FADS2: variants seen among roughly 807,000 people sequenced by gnomAD.
FADS2 encodes acyl-CoA 6-desaturase.
A neutral mutation model predicts 61.2 loss-of-function variants in FADS2; 18 were observed. The ratio of observed to expected loss-of-function variants is 0.29; its 90% CI spans 0.20 to 0.44. FADS2 has a LOEUF of 0.44. Among genes scored for constraint, FADS2 ranks in the 20% least tolerant of loss-of-function variants. The probability of loss-of-function intolerance (pLI) is 1.00; values close to 1 mark genes in which losing one functional copy is unlikely to be tolerated. For missense variants in FADS2, 322 were observed against 572.7 expected (o/e 0.56, Z 4.47); for synonymous variants, 203 against 223.9 (o/e 0.91, Z 0.83).
intron 5 of FADS2, among the ~76,000 whole-genome samples, chr11:61,849,557 C>A (rs541435559): frequency 6.6e-6 from 1 of 151,754 alleles, no homozygotes; most frequent in African/African-American, 2.4e-5. Flanking sequence ...CCACTGCACT[C>A]CAGCCTGGGT....
intron 2 of FADS2, among the ~76,000 whole-genome samples, chr11:61,839,050 C>T (rs1377081910): frequency 6.6e-6 from 1 of 152,134 alleles, no homozygotes; most frequent in East Asian, 1.9e-4. Context: ...TGTATCCACT[C>T]TCCTCCCCGT....
chr11:61,821,166 G>A (rs994269151), intron 1 of FADS2, among the ~76,000 whole-genome samples: 1 of 152,212 alleles, frequency 6.6e-6, no homozygotes, highest in African/African-American at 2.4e-5. Context: ...GTTGCCACTT[G>A]TGAATACTAA....
intron 5 of FADS2, 109 bp from the exon 6 acceptor site, chr11:61,856,902 G>A (rs2067363795): frequency 3.3e-6 from 3 of 903,476 alleles, no homozygotes; most frequent in African/African-American, 3.3e-5. Flanking sequence ...AAGGGACAGT[G>A]GTGTGCCCTG....
intron 4 of FADS2, among the ~76,000 whole-genome samples, chr11:61,845,784 C>CAAA (rs548433908): frequency 5.9e-5 from 5 of 84,090 alleles, no homozygotes; most frequent in Admixed American, 1.2e-4. Flanking sequence ...AACTCTGTCT[C>CAAA]AAAAAAAAAA....
intron 5 of FADS2, chr11:61,854,893 C>T (rs1246382672): frequency 1.3e-5 from 2 of 152,284 alleles, no homozygotes; most frequent in East Asian, 3.8e-4. Flanking sequence ...CAGAGGCCCA[C>T]TCTGAGGCCT....
chr11:61,823,679 A>C (rs1212062718), upstream of FADS2, among the ~76,000 whole-genome samples: 1 of 151,928 alleles, frequency 6.6e-6, no homozygotes, highest in Non-Finnish European at 1.5e-5. Flanking sequence ...ACCACATCCA[A>C]CTAATTTTTT....
intron 4 of FADS2, among the ~76,000 whole-genome samples, chr11:61,846,134 T>TC (rs1555076088): frequency 7.4e-5 from 11 of 147,858 alleles, no homozygotes; most frequent in African/African-American, 2.5e-4. Context: ...TTCTTTTCTT[T>TC]TTTTTTTTTT....
intron 4 of FADS2, among the ~76,000 whole-genome samples, chr11:61,842,439 C>G (rs1565330841): frequency 6.6e-6 from 1 of 152,272 alleles, no homozygotes; most frequent in African/African-American, 2.4e-5. Context: ...CCCCCACACA[C>G]TTAACAAAGA....
At chr11:61,848,420 C>T in intron 5 of FADS2, 136 bp downstream of exon 5, 1 of 1,460,192 alleles carries the variant, frequency 6.8e-7, no homozygotes, top group Admixed American at 1.7e-5. Flanking sequence ...CGAGGTACGA[C>T]TAAGGGGTTG....
At chr11:61,861,356 A>AAAAAAAAAC (rs1565337265) in intron 7 of FADS2, among the ~76,000 whole-genome samples, 1 of 121,356 alleles carries the variant, frequency 8.2e-6, no homozygotes, top group Non-Finnish European at 1.7e-5. Context: ...TCCCTCTCAA[A>AAAAAAAAAC]AAAAAAAAAA....
chr11:61,824,430 GAGA>G (rs2067056899), upstream of FADS2, among the ~76,000 whole-genome samples: 1 of 7,612 alleles, frequency 1.3e-4, no homozygotes, highest in Admixed American at 2.5e-3. Context: ...GAGAGAGAGA[GAGA>G]GGGAGGGAGG....
In FADS2 at chr11:61,828,658, G is replaced by A; in HGVS notation, c.207+61G>A. On this transcript the variant is annotated intron_variant, in intron 1 of 11. Coordinates refer to ENST00000278840, the MANE Select transcript of FADS2 (RefSeq NM_004265.4). The surrounding 1 kb of genome is among the most constrained non-coding windows in gnomAD (Gnocchi z 6.4). ...GCTGCAGGCGGAGTCAGGATCCCTG[G>A]CTCCCCGTGGGCCAAACAGACCTCC... 3 of 1,478,762 alleles carry A rather than the reference G, an allele frequency of 2.0e-6. No homozygotes were observed. The highest frequency in any genetic ancestry group is 2.8e-6 in the Non-Finnish European group (3 of 1,080,056). The allele number at this position is 1,478,762 out of a possible 1,614,324, so 91.6% of individuals were successfully genotyped here. A position where few individuals can be genotyped will look rare whatever the true frequency, so the allele number is the denominator to read the frequency against.
intron 1 of FADS2, chr11:61,821,478 A>G (rs895457795): frequency 2.4e-5 from 17 of 695,838 alleles, no homozygotes; most frequent in Middle Eastern, 2.3e-4. Context: ...TGTGAGTTCA[A>G]ATTTTGATCC....
At chr11:61,846,725 G>A (rs970558754) in intron 4 of FADS2, 1 of 152,132 alleles carries the variant, frequency 6.6e-6, no homozygotes, top group African/African-American at 2.4e-5. Context: ...ATAACTCTGA[G>A]CTGAGGAGAC....
At chr11:61,822,876 C>T (rs889121060) in intron 1 of FADS2, among the ~76,000 whole-genome samples, 10 of 151,938 alleles carry the variant, frequency 6.6e-5, no homozygotes, top group Non-Finnish European at 1.5e-4. Flanking sequence ...ATAAATGTTG[C>T]GATGGATATT....
chr11:61,865,755 G>A lies in FADS2; in HGVS notation c.*66G>A. 2 of 1,412,390 alleles carry A rather than the reference G, an allele frequency of 1.4e-6. No individual in the cohort carries two copies. Among genetic ancestry groups the A allele is most frequent in the East Asian group, 2.4e-5 (1 of 41,638 alleles). 87.5% of individuals were successfully genotyped at this position (1,412,390 alleles called of 1,614,324 possible). ...GGGGTGATGGCCAGAGGAATGATGGGCTTTTGTTCTGAGGGGTGTCCGAGA... is the reference window on the plus strand; with the variant it reads ...GGGGTGATGGCCAGAGGAATGATGGACTTTTGTTCTGAGGGGTGTCCGAGA... On this transcript the variant is annotated 3_prime_UTR_variant, in exon 12 of 12. Coordinates refer to ENST00000278840, the MANE Select transcript of FADS2 (RefSeq NM_004265.4). The surrounding 1 kb of genome is among the most constrained non-coding windows in gnomAD (Gnocchi z 4.1).
rs903184447 is a variant in FADS2 at position 61,866,939 on chromosome 11, G to C, written c.*1250G>C. 6.6e-6 allele frequency: 1 copy of C among 152,620 alleles called. No individual in the cohort carries two copies. Among genetic ancestry groups the C allele is most frequent in the Admixed American group, 6.5e-5 (1 of 15,278 alleles). The allele number at this position is 152,620 out of a possible 1,614,324, so 9.5% of individuals were successfully genotyped here. ...GAGGCTGCCCTGAGGGGCTGGGGAG[G>C]GGGTACCTCATGAGGACCAGGGTGG... is the stretch of plus-strand genomic sequence containing the variant. On this transcript the variant is annotated 3_prime_UTR_variant, in exon 12 of 12. Coordinates refer to ENST00000278840, the MANE Select transcript of FADS2 (RefSeq NM_004265.4).
At position 61,865,060 on chromosome 11, in the gene FADS2, C is replaced by T. The variant is rs1341153808; in HGVS notation, c.1158-92C>T. 1 of 1,474,462 alleles carries T rather than the reference C, an allele frequency of 6.8e-7. No individual in the cohort carries two copies. Among genetic ancestry groups the T allele is most frequent in the East Asian group, 2.3e-5 (1 of 43,272 alleles). The allele number at this position is 1,474,462 out of a possible 1,614,324, so 91.3% of individuals were successfully genotyped here. A position where few individuals can be genotyped will look rare whatever the true frequency, so the allele number is the denominator to read the frequency against. ...TGGCTGTGGACAGGGTCTCTGAGGG[C>T]CCCAGCCAGCCTCTGCCCAGGTGGT... On this transcript the variant is annotated intron_variant, in intron 10 of 11. Coordinates refer to ENST00000278840, the MANE Select transcript of FADS2 (RefSeq NM_004265.4). This position sits in a 1 kb window ranked among gnomAD's most constrained non-coding sequence, Gnocchi z 4.1.
At chr11:61,828,248 G>C (rs11602202), upstream of FADS2, 25 of 1,436,592 alleles carry the variant, frequency 1.7e-5, no homozygotes, top group African/African-American at 3.4e-4. The surrounding 1 kb of genome is among the most constrained non-coding windows in gnomAD (Gnocchi z 6.4). Flanking sequence ...GGGAGGGGGC[G>C]CGGTGGGAGG....
Sources: allele counts gnomAD v4.1 joint callset (sites outside exome capture counted in the v4.1 genomes callset), GRCh38; gene constraint gnomAD v4.1.1; non-coding constraint Gnocchi (gnomAD v3.1); transcripts MANE v1.5; gene names NCBI Gene and HGNC (gene_info 2026-07-23, HGNC 2026-07-21).